Variants in LRBA observed in about 807,000 individuals in gnomAD.
LRBA encodes the protein LPS responsive beige-like anchor protein.
In LRBA, 176 loss-of-function variants were observed where a neutral mutation model predicts 330.0. That is an observed-to-expected ratio of 0.53 (90% CI 0.47 to 0.60). The LOEUF is 0.60. Among genes scored for constraint, LRBA ranks in the 20% least tolerant of loss-of-function variants. The probability of loss-of-function intolerance (pLI) is 0.00; values close to 1 mark genes in which losing one functional copy is unlikely to be tolerated. For synonymous variants in LRBA, 1,230 were observed against 1,193.0 expected (o/e 1.03, Z -0.64); for missense variants, 3,259 against 3,444.8 (o/e 0.95, Z 1.35).
At chr4:150,499,472 A>G (rs893544987) in intron 40 of LRBA, among the ~76,000 whole-genome samples, 57 of 152,080 alleles carry the variant, frequency 3.7e-4, no homozygotes, top group Admixed American at 8.5e-4. Flanking sequence ...GCAAGATCCC[A>G]TCTCTACAAA....
intron 37 of LRBA, among the ~76,000 whole-genome samples, chr4:150,682,093 T>A (rs1204381303): frequency 6.6e-6 from 1 of 152,172 alleles, no homozygotes; most frequent in Non-Finnish European, 1.5e-5. Flanking sequence ...CTGCAAAACC[T>A]TTTGGGTGAA....
At chr4:150,434,398 T>C (rs1375142119) in intron 46 of LRBA, among the ~76,000 whole-genome samples, 1 of 152,226 alleles carries the variant, frequency 6.6e-6, no homozygotes, top group African/African-American at 2.4e-5. Context: ...TGTTTTTGCT[T>C]TATTAATAAT....
At position 150,325,876 on chromosome 4, in the gene LRBA, C is replaced by T; in HGVS notation, c.7385G>A (p.Ser2462Asn). The change falls in exon 49 of 57, where the codon AGT (serine) becomes AAT (asparagine). Residue 2462 changes from serine (S) to asparagine (N), a missense_variant. Physicochemically the swap from Ser to Asn is conservative, Grantham distance 46. Coordinates refer to ENST00000651943, the MANE Select transcript of LRBA (RefSeq NM_001364905.1). ...TAGTTGAGAAGGAGTCTGTCCAAAA[C>T]TTCGGATTTGAGCTTCAACAGCCTG... ...LREAVEAQIR[S>N]FGQTPSQLLI... The T allele has an allele frequency of 2.7e-5, 44 of 1,613,114 alleles. No individual in the cohort carries two copies. Among genetic ancestry groups the T allele is most frequent in the Non-Finnish European group, 3.7e-5 (44 of 1,179,436 alleles).
At chr4:150,985,089 C>T (rs1025375564) in intron 2 of LRBA, among the ~76,000 whole-genome samples, 2 of 152,000 alleles carry the variant, frequency 1.3e-5, no homozygotes, top group Non-Finnish European at 2.9e-5. Context: ...GAAACCCCGT[C>T]TCTACTAAAA....
chr4:151,010,513 G>C (rs1744697781), intron 2 of LRBA, among the ~76,000 whole-genome samples: 2 of 151,748 alleles, frequency 1.3e-5, no homozygotes, highest in South Asian at 2.1e-4. Flanking sequence ...TTATAAACAG[G>C]GTAGTAAATT....
At chr4:150,488,700 C>T (rs77303886) in intron 41 of LRBA, among the ~76,000 whole-genome samples, 2,681 of 149,990 alleles carry the variant, frequency 0.018, 85 homozygotes, top group African/African-American at 0.06. Flanking sequence ...AAGCTACAAG[C>T]GATCATCTAG....
At chr4:150,538,588 G>A (rs936819577) in intron 40 of LRBA, among the ~76,000 whole-genome samples, 2 of 152,014 alleles carry the variant, frequency 1.3e-5, no homozygotes, top group Admixed American at 6.6e-5. Context: ...TTAAACACTG[G>A]GTACATATGG....
rs1487151052 is a variant in LRBA, at chr4:150,353,714, C to A, written c.7195-3555G>T. Among the ~76,000 whole-genome samples, 6 of 152,286 alleles carry A rather than the reference C, an allele frequency of 3.9e-5. No homozygotes were observed. The South Asian group carries it at 1.2e-3, about 32-fold the overall frequency. ...ACACATGCAGAGATCACCACAATGC[C>A]ATGGTTCAGACCTCACCTTACATTG... On this transcript the variant is annotated intron_variant, in intron 47 of 56. Coordinates refer to ENST00000651943, the MANE Select transcript of LRBA (RefSeq NM_001364905.1).
intron 22 of LRBA, among the ~76,000 whole-genome samples, chr4:150,858,276 G>A (rs1047162651): frequency 2.0e-5 from 3 of 152,140 alleles, no homozygotes; most frequent in African/African-American, 7.2e-5. Context: ...AGGATCACTT[G>A]AGCCAAGGAG....
intron 2 of LRBA, among the ~76,000 whole-genome samples, chr4:150,944,566 T>C (rs1736038172): frequency 1.3e-5 from 2 of 150,662 alleles, no homozygotes; most frequent in Non-Finnish European, 3.0e-5. Context: ...AAAGAAAGTA[T>C]AAATGAGAAA....
At chr4:150,307,425 T>G (rs998536622) in intron 52 of LRBA, among the ~76,000 whole-genome samples, 2 of 152,100 alleles carry the variant, frequency 1.3e-5, no homozygotes, top group African/African-American at 2.4e-5. Flanking sequence ...GTAAAATTCA[T>G]TTTCATGTTT....
intron 36 of LRBA, among the ~76,000 whole-genome samples, chr4:150,685,750 T>C (rs1783562603): frequency 1.3e-5 from 2 of 151,878 alleles, no homozygotes; most frequent in African/African-American, 4.8e-5. Flanking sequence ...TCAAATATCT[T>C]AGTCTGTGCA....
rs1425759723 is a variant in LRBA at position 150,828,253 on chromosome 4, G to A, written c.5098C>T (p.Leu1700=). The A allele has an allele frequency of 6.2e-6, 10 of 1,614,030 alleles. No individual in the cohort carries two copies. Among genetic ancestry groups the A allele is most frequent in the Non-Finnish European group, 7.6e-6 (9 of 1,180,008 alleles). Residue 1700 remains leucine (L), a synonymous_variant, in exon 30 of 57, where the codon CTG becomes TTG. Coordinates refer to ENST00000651943, the MANE Select transcript of LRBA (RefSeq NM_001364905.1). ...ADGVTVDPAL[L]PPACLGALGD... is the part of the protein sequence containing the mutation. Reference sequence around the variant, plus strand: ...AGGGCTCCAAGGCAGGCTGGTGGCAGAAGGGCAGGATCCACTGTGACTCCA... The same window carrying A: ...AGGGCTCCAAGGCAGGCTGGTGGCAAAAGGGCAGGATCCACTGTGACTCCA...
intron 40 of LRBA, among the ~76,000 whole-genome samples, chr4:150,542,043 AT>A (rs2152226597): frequency 6.6e-6 from 1 of 152,364 alleles, no homozygotes; most frequent in Non-Finnish European, 1.5e-5. Context: ...AAATTAAGCA[AT>A]AAAGCATATG....
At chr4:150,626,914 T>C (rs1776918092) in intron 37 of LRBA, among the ~76,000 whole-genome samples, 2 of 152,156 alleles carry the variant, frequency 1.3e-5, no homozygotes. Flanking sequence ...TAATATTCTT[T>C]TTTTAAAACA....
chr4:150,859,889 T>C (rs1751679556), intron 22 of LRBA, among the ~76,000 whole-genome samples: 1 of 152,230 alleles, frequency 6.6e-6, no homozygotes, highest in Admixed American at 6.5e-5. Flanking sequence ...ACTTTAACAC[T>C]GTATGTATAA....
chr4:150,722,915 G>A (rs762334492), intron 36 of LRBA, among the ~76,000 whole-genome samples: 5 of 152,030 alleles, frequency 3.3e-5, no homozygotes, highest in Non-Finnish European at 7.4e-5. Context: ...AGAGCTCAAC[G>A]ACTGGAGAAC....
chr4:150,471,486 T>C (rs1756123351), intron 43 of LRBA, 138 bp downstream of exon 43: 1 of 568,044 alleles, frequency 1.8e-6, no homozygotes, highest in Non-Finnish European at 3.1e-6. Context: ...TACCTTATTC[T>C]CTTTGTATAT....
chr4:150,357,286 T>C (rs1013861317), intron 47 of LRBA, among the ~76,000 whole-genome samples: 4 of 151,978 alleles, frequency 2.6e-5, no homozygotes, highest in African/African-American at 4.8e-5. Context: ...TGTCTACGAT[T>C]GTTATTGTGT....
Sources: allele counts gnomAD v4.1 joint callset (sites outside exome capture counted in the v4.1 genomes callset), GRCh38; gene constraint gnomAD v4.1.1; transcripts MANE v1.5; gene names NCBI Gene and HGNC (gene_info 2026-07-23, HGNC 2026-07-21).